Variants in TLL2 observed in about 807,000 individuals in gnomAD.
The protein encoded by TLL2 is tolloid like 2.
In TLL2, 106 loss-of-function variants were observed where a neutral mutation model predicts 123.0. The ratio of observed to expected loss-of-function variants is 0.86; its 90% CI spans 0.74 to 1.01. The LOEUF (loss-of-function observed/expected upper bound fraction) is 1.01, where lower values mean the gene tolerates loss of function less well. Among genes scored for constraint, TLL2 ranks in the 50% least tolerant of loss-of-function variants. The pLI is 0.00. For synonymous variants in TLL2, 494 were observed against 516.8 expected, an observed-to-expected ratio of 0.96 and a Z score of 0.60; for missense variants, 1,332 against 1,336.7, an observed-to-expected ratio of 1.00 and a Z score of 0.06.
intron 16 of TLL2, 60 bp from the exon 17 acceptor site, chr10:96,379,152 C>T (rs1846164494): frequency 5.7e-6 from 9 of 1,579,282 alleles, no homozygotes; most frequent in Non-Finnish European, 7.8e-6. Context: ...TCCCTCAGGG[C>T]TCAGAATCCC....
chr10:96,444,649 G>A (rs115174828), intron 3 of TLL2, among the ~76,000 whole-genome samples: 2,761 of 152,252 alleles, frequency 0.018, 77 homozygotes, highest in African/African-American at 0.063. Flanking sequence ...CTGGGAAAGC[G>A]TAGAGGGTTG....
At chr10:96,458,443 C>T (rs765964355) in intron 2 of TLL2, among the ~76,000 whole-genome samples, 14 of 152,002 alleles carry the variant, frequency 9.2e-5, no homozygotes, top group Non-Finnish European at 1.9e-4. Flanking sequence ...AAAAATTCGC[C>T]AGGCTTGGTG....
chr10:96,449,796 C>T, intron 2 of TLL2, among the ~76,000 whole-genome samples: 1 of 152,166 alleles, frequency 6.6e-6, no homozygotes, highest in East Asian at 1.9e-4. Flanking sequence ...CTATTTTCCT[C>T]TTATTGCACA....
At chr10:96,396,232 C>G (rs1226042547) in intron 11 of TLL2, among the ~76,000 whole-genome samples, 1 of 152,192 alleles carries the variant, frequency 6.6e-6, no homozygotes, top group African/African-American at 2.4e-5. Context: ...AAAGAAAAAA[C>G]CACATAAAGC....
intron 1 of TLL2, among the ~76,000 whole-genome samples, chr10:96,505,950 C>T (rs1381517751): frequency 6.6e-6 from 1 of 152,062 alleles, no homozygotes; most frequent in Non-Finnish European, 1.5e-5. Flanking sequence ...CAGGTCTCAC[C>T]GTTAGAAAGT....
chr10:96,394,994 A>G (rs1340465780), intron 13 of TLL2, among the ~76,000 whole-genome samples, 193 bp downstream of exon 13: 1 of 152,234 alleles, frequency 6.6e-6, no homozygotes, highest in African/African-American at 2.4e-5. Context: ...TGTGGAAGCC[A>G]AGGCTGAGCC....
At position 96,467,570 on chromosome 10, in the gene TLL2, C is replaced by T. The variant is rs1011446313; in HGVS notation, c.286+12779G>A. 3.3e-5 allele frequency among the ~76,000 whole-genome samples: 5 copies of T among 152,126 alleles called. No homozygotes were observed. In the East Asian group the frequency reaches 9.6e-4, roughly 29 times the overall value. On this transcript the variant is annotated intron_variant, in intron 2 of 20. Coordinates refer to ENST00000357947, the MANE Select transcript of TLL2 (RefSeq NM_012465.4). Reference sequence around the variant, plus strand: ...TTATTTTGTCAACAAGAATTCACCACAGTGTTCTTATAAGTCATGGTAAGA... The same window carrying T: ...TTATTTTGTCAACAAGAATTCACCATAGTGTTCTTATAAGTCATGGTAAGA...
intron 8 of TLL2, among the ~76,000 whole-genome samples, chr10:96,412,053 T>C (rs1365149974): frequency 1.3e-5 from 2 of 152,178 alleles, no homozygotes; most frequent in African/African-American, 4.8e-5. Context: ...GCATAAATGT[T>C]ATAACTGAAT....
chr10:96,512,010 T>G (rs1348598000), intron 1 of TLL2, among the ~76,000 whole-genome samples: 1 of 152,218 alleles, frequency 6.6e-6, no homozygotes, highest in Non-Finnish European at 1.5e-5. Context: ...GGGCCAGGCA[T>G]GCTACCTGCT....
At chr10:96,447,296 T>C (rs1846905183) in intron 2 of TLL2, among the ~76,000 whole-genome samples, 1 of 152,258 alleles carries the variant, frequency 6.6e-6, no homozygotes, top group African/African-American at 2.4e-5. Context: ...TGTGACTTTA[T>C]TCTCTTTGTT....
chr10:96,511,503 G>T (rs1003200392), intron 1 of TLL2, among the ~76,000 whole-genome samples: 3 of 152,212 alleles, frequency 2.0e-5, no homozygotes. Flanking sequence ...AGCCACACTG[G>T]CCATATCCTC....
chr10:96,419,325 C>T (rs903322973), intron 7 of TLL2, among the ~76,000 whole-genome samples: 2 of 152,186 alleles, frequency 1.3e-5, no homozygotes, highest in African/African-American at 4.8e-5. Flanking sequence ...CAGAGAACAT[C>T]TAGTCCAACC....
intron 2 of TLL2, among the ~76,000 whole-genome samples, chr10:96,465,439 C>T (rs977047292): frequency 3.3e-5 from 5 of 152,156 alleles, no homozygotes; most frequent in Non-Finnish European, 7.4e-5. Context: ...CTCTGTTTGC[C>T]TTTTCTGTGT....
chr10:96,473,603 G>A (rs1292952016), intron 2 of TLL2, among the ~76,000 whole-genome samples: 1 of 152,198 alleles, frequency 6.6e-6, no homozygotes, highest in Non-Finnish European at 1.5e-5. Flanking sequence ...TTTAGGAAGT[G>A]AGGATTTAGA....
rs746874870 is a variant in TLL2 at position 96,513,821 on chromosome 10, C to A, written c.-136G>T. The A allele has an allele frequency of 1.9e-5, 18 of 961,790 alleles. No homozygotes were observed. Among genetic ancestry groups the A allele is most frequent in the Non-Finnish European group, 2.4e-5 (17 of 709,754 alleles). 59.6% of individuals were successfully genotyped at this position (961,790 alleles called of 1,614,324 possible). The stretch of plus-strand genomic sequence containing the variant: ...ACAGGGCTGCTGGGCATGGCTCAGG[C>A]GCGGAGCAAGCGGAGCGCGGCGCCC... On this transcript the variant is annotated 5_prime_UTR_variant, in exon 1 of 21. Coordinates refer to ENST00000357947, the MANE Select transcript of TLL2 (RefSeq NM_012465.4).
Position 96,422,675 on chromosome 10 carries a change from C to T in TLL2, c.691G>A (p.Gly231Arg). The T allele has an allele frequency of 6.2e-7, 1 of 1,614,236 alleles. No individual in the cohort carries two copies. The highest frequency in any genetic ancestry group is 8.5e-7 in the Non-Finnish European group (1 of 1,180,036). The change falls in exon 6 of 21, where the codon GGG (glycine) becomes AGG (arginine). Residue 231 changes from glycine (G) to arginine (R), a missense_variant. By Grantham distance (125) the Gly-to-Arg change is moderately radical. Transcript: ENST00000357947. ...RGGGPQAISI[G>R]KNCDKFGIVA... ...ATGCCAAACTTGTCACAGTTCTTCC[C>T]AATGGATATGGCCTGTGGGCCTCCT... is the stretch of plus-strand genomic sequence containing the variant.
At chr10:96,379,171 G>C in intron 16 of TLL2, 79 bp from the exon 17 acceptor site, 4 of 1,558,592 alleles carry the variant, frequency 2.6e-6, no homozygotes, top group Non-Finnish European at 3.5e-6. Flanking sequence ...CCACTTAAAA[G>C]TGGCCTCCTC....
intron 6 of TLL2, among the ~76,000 whole-genome samples, chr10:96,422,051 T>C (rs1846629498): frequency 1.3e-5 from 2 of 151,252 alleles, no homozygotes. Context: ...TAAGAGAGTA[T>C]TTTTTTTTAA....
At chr10:96,370,038 C>G in intron 20 of TLL2, 27 bp downstream of exon 20, 2 of 1,542,576 alleles carry the variant, frequency 1.3e-6, no homozygotes, top group Non-Finnish European at 1.7e-6. Context: ...CACACTCTGC[C>G]CCGGCCCCAG....
Sources: allele counts gnomAD v4.1 joint callset (sites outside exome capture counted in the v4.1 genomes callset), GRCh38; gene constraint gnomAD v4.1.1; transcripts MANE v1.5; gene names NCBI Gene and HGNC (gene_info 2026-07-23, HGNC 2026-07-21).